Variants in DNAH1 observed in about 807,000 individuals in gnomAD.
DNAH1 encodes dynein axonemal heavy chain 1, also known as axonemal beta dynein heavy chain 1.
Under a neutral mutation model 484.3 loss-of-function variants are expected in DNAH1, and 327 were observed. That is an observed-to-expected ratio of 0.68 (90% CI 0.62 to 0.74). The LOEUF is 0.74. Among genes scored for constraint, DNAH1 ranks in the 30% least tolerant of loss-of-function variants. The pLI, the probability that DNAH1 is intolerant of heterozygous loss-of-function variation, is 0.00. For missense variants in DNAH1, 5,052 were observed against 5,546.8 expected, an observed-to-expected ratio of 0.91 and a Z score of 2.83; for synonymous variants, 2,192 against 2,191.9, an observed-to-expected ratio of 1.00 and a Z score of 0.00.
At position 52,346,749 on chromosome 3, in the gene DNAH1, A is replaced by C. The variant is rs1460264783; in HGVS notation, c.1934A>C (p.Asp645Ala). The change falls in exon 11 of 78, where the codon GAC (aspartate) becomes GCC (alanine). Residue 645 changes from aspartate (D) to alanine (A), a missense_variant. Transcript: ENST00000420323. ...ACCGATGACATGGTCTGGGGTGACG[A>C]CTTAATTAACAGCCCCTACAGGTGG... ...NCTDDMVWGD[D>A]LINSPYRPRK... The C allele has an allele frequency of 5.0e-6, 8 of 1,606,444 alleles. No individual in the cohort carries two copies. The highest frequency in any genetic ancestry group is 6.8e-6 in the Non-Finnish European group (8 of 1,173,618).
At chr3:52,347,774 A>T in intron 11 of DNAH1, 50 bp from the exon 12 acceptor site, 2 of 1,500,928 alleles carry the variant, frequency 1.3e-6, no homozygotes, top group South Asian at 2.6e-5. Context: ...CTGCTCCTGC[A>T]CACAGGCCTC....
chr3:52,319,253 G>A (rs1297112242), intron 1 of DNAH1, among the ~76,000 whole-genome samples: 3 of 152,200 alleles, frequency 2.0e-5, no homozygotes, highest in African/African-American at 7.2e-5. Flanking sequence ...GAGTCAAGTG[G>A]GGTTGAGTGT....
rs143775071 is a variant in DNAH1, at chr3:52,381,040, C to T, written c.7609-600C>T. The stretch of plus-strand genomic sequence containing the variant: ...AAGGATTTGGGTGGGCTGGGGCTAG[C>T]TTCTATGTGTTTAACAATATGCTTG... On this transcript the variant is annotated intron_variant, in intron 48 of 77. Transcript: ENST00000420323. This position sits in a 1 kb window ranked among gnomAD's most constrained non-coding sequence, Gnocchi z 4.1. Among the ~76,000 whole-genome samples the T allele has an allele frequency of 6.6e-6, 1 of 152,218 alleles. No homozygotes were observed. Among genetic ancestry groups the T allele is most frequent in the East Asian group, 1.9e-4 (1 of 5,186 alleles).
intron 53 of DNAH1, 21 bp from the exon 54 acceptor site, chr3:52,385,316 T>G: frequency 6.4e-7 from 1 of 1,550,422 alleles, no homozygotes; most frequent in Non-Finnish European, 8.7e-7. Flanking sequence ...CCTGTTTTCC[T>G]GTCTCTGCCC....
chr3:52,353,179 G>T lies in DNAH1; in HGVS notation c.3104G>T (p.Arg1035Leu). The T allele has an allele frequency of 6.2e-7, 1 of 1,613,984 alleles. No individual in the cohort carries two copies. Among genetic ancestry groups the T allele is most frequent in the Non-Finnish European group, 8.5e-7 (1 of 1,179,878 alleles). Residue 1035 changes from arginine (R) to leucine (L), a missense_variant, in exon 19 of 78, where the codon CGC (arginine) becomes CTC (leucine). By Grantham distance (102) the Arg-to-Leu change is moderately radical. Coordinates refer to ENST00000420323, the MANE Select transcript of DNAH1 (RefSeq NM_015512.5). This position sits in a 1 kb window ranked among gnomAD's most constrained non-coding sequence, Gnocchi z 5.0. ...TGGACCACAGCGTCTGACTGGCTGC[G>T]CTGGTCGGAGAGCTGGATGAATGAC... ...DLWTTASDWL[R>L]WSESWMNDPL...
In DNAH1 at chr3:52,323,896, G is replaced by A. The variant is rs540839638; in HGVS notation, c.406+16G>A. 1.3e-5 allele frequency: 20 copies of A among 1,560,584 alleles called. No homozygotes were observed. In the Admixed American group the frequency reaches 2.3e-4, roughly 18 times the overall value. On this transcript the variant is annotated intron_variant, in intron 3 of 77. Coordinates refer to ENST00000420323, the MANE Select transcript of DNAH1 (RefSeq NM_015512.5). Reference sequence around the variant, plus strand: ...ACCCCAAGAGGTCAGTGCTCAGGAGGGCTGTGTGAGTGGGTCCCGGTAGGT... The same window carrying A: ...ACCCCAAGAGGTCAGTGCTCAGGAGAGCTGTGTGAGTGGGTCCCGGTAGGT...
rs754653926 is a variant in DNAH1 at position 52,379,995 on chromosome 3, G to A, written c.7468G>A (p.Asp2490Asn). 1.6e-5 allele frequency: 26 copies of A among 1,589,916 alleles called. No homozygotes were observed. Among genetic ancestry groups the A allele is most frequent in the Non-Finnish European group, 2.2e-5 (26 of 1,168,482 alleles). ...GAATGAGGAGGACCGCAGCTGGTTC[G>A]ACCAGCTCCTCAAGCGCTGCATGGA... ...LVNEEDRSWF[D>N]QLLKRCMEQW... Residue 2490 changes from aspartate to asparagine, a missense_variant, in exon 48 of 78, where the codon GAC becomes AAC. Coordinates refer to ENST00000420323, the MANE Select transcript of DNAH1 (RefSeq NM_015512.5). This position sits in a 1 kb window ranked among gnomAD's most constrained non-coding sequence, Gnocchi z 4.4.
chr3:52,344,784 C>A, intron 9 of DNAH1, 137 bp downstream of exon 9: 1 of 982,724 alleles, frequency 1.0e-6, no homozygotes, highest in Non-Finnish European at 1.5e-6. Context: ...CCCCTGTCTC[C>A]AGCACTTGTC....
Position 52,381,725 on chromosome 3 carries a change from T to C in DNAH1, c.7694T>C (p.Met2565Thr). 6.2e-7 allele frequency: 1 copy of C among 1,606,530 alleles called. No homozygotes were observed. Among genetic ancestry groups the C allele is most frequent in the Non-Finnish European group, 8.5e-7 (1 of 1,177,242 alleles). The change falls in exon 49 of 78, where the codon ATG (methionine) becomes ACG (threonine). Residue 2565 changes from methionine (M) to threonine (T), a missense_variant. Physicochemically the swap from Met to Thr is moderately conservative, Grantham distance 81 (BLOSUM62 -1). Around this residue, in one of 4 missense-constraint regions of DNAH1, gnomAD observed 2,929 missense variants for 3,409.4 expected, o/e 0.86. Transcript: ENST00000420323. The surrounding 1 kb of genome is among the most constrained non-coding windows in gnomAD (Gnocchi z 4.1). Reference sequence around the variant, plus strand: ...AAGCTGGTCCTCTTCATGGACGCCATGAGCCACATCTGTCGCATCAGCCGC... The same window carrying C: ...AAGCTGGTCCTCTTCATGGACGCCACGAGCCACATCTGTCGCATCAGCCGC... ...KLKLVLFMDA[M>T]SHICRISRTL...
At chr3:52,331,619 C>CTTTTTTTTTTTTTTTTTTTTTTTTTTTTT (rs36097098) in intron 7 of DNAH1, among the ~76,000 whole-genome samples, 1 of 111,374 alleles carries the variant, frequency 9.0e-6, no homozygotes. Context: ...AAATACTTTT[C>CTTTTTTTTTTTTTTTTTTTTTTTTTTTTT]TTTTTTTTTT....
chr3:52,380,166 G>GC, intron 48 of DNAH1, 31 bp downstream of exon 48: 2 of 1,545,876 alleles, frequency 1.3e-6, no homozygotes, highest in South Asian at 2.4e-5. Flanking sequence ...CCCTGCCCCT[G>GC]GTGGGGTCCT....
intron 5 of DNAH1, among the ~76,000 whole-genome samples, chr3:52,327,568 G>T (rs1006971115): frequency 6.6e-5 from 10 of 152,182 alleles, no homozygotes; most frequent in African/African-American, 2.2e-4. Context: ...GTGGGAGAAA[G>T]AACCCACCAC....
At chr3:52,335,197 A>T (rs1418178492) in intron 8 of DNAH1, among the ~76,000 whole-genome samples, 1 of 128,448 alleles carries the variant, frequency 7.8e-6, no homozygotes, top group Non-Finnish European at 1.6e-5. Context: ...CTGGAATTAC[A>T]GGTGCCTGCC....
Position 52,379,822 on chromosome 3 carries a change from C to T in DNAH1, c.7378-83C>T. 1 of 1,270,550 alleles carries T rather than the reference C, an allele frequency of 7.9e-7. No homozygotes were observed. The allele number at this position is 1,270,550 out of a possible 1,614,324, so 78.7% of individuals were successfully genotyped here. ...CCAGTCAGGGCCCCAGGAACTGGGG[C>T]CCACCCTCCCTTGCCTGGTGGTTTG... On this transcript the variant is annotated intron_variant, in intron 47 of 77. Transcript: ENST00000420323. This position sits in a 1 kb window ranked among gnomAD's most constrained non-coding sequence, Gnocchi z 4.4.
In DNAH1 at chr3:52,399,647, C is replaced by T. The variant is rs1271471286; in HGVS notation, c.12544C>T (p.Gln4182Ter). 3 of 1,613,996 alleles carry T rather than the reference C, an allele frequency of 1.9e-6. No individual in the cohort carries two copies. Among genetic ancestry groups the T allele is most frequent in the Non-Finnish European group, 2.5e-6 (3 of 1,179,900 alleles). Reference sequence around the variant, plus strand: ...TGCCCGCTGGGATCCAGAGGCCTTCCAGCTGGCTGAGTCTCAGCCCAAGGA... The same window carrying T: ...TGCCCGCTGGGATCCAGAGGCCTTCTAGCTGGCTGAGTCTCAGCCCAAGGA... Reference protein sequence around the residue: ...EGARWDPEAFQLAESQPKELY... With the variant: ...EGARWDPEAF Residue 4182 changes from glutamine (Q) to a stop codon, truncating the protein, a stop_gained, in exon 77 of 78, where the codon CAG becomes TAG. Transcript: ENST00000420323. LOFTEE classifies it high-confidence loss of function.
rs566501109 is a variant in DNAH1 at position 52,353,649 on chromosome 3, C to T, written c.3480+16C>T. 9.1e-5 allele frequency: 142 copies of T among 1,559,554 alleles called. No homozygotes were observed. Among genetic ancestry groups the T allele is most frequent in the African/African-American group, 9.0e-4 (66 of 73,348 alleles). ...CATCGAGCAGGTGGGTAGCCACCAG[C>T]GGGCCCAGCCACTCCAGCCAGGCCC... On this transcript the variant is annotated intron_variant, in intron 20 of 77. Transcript: ENST00000420323. The surrounding 1 kb of genome is among the most constrained non-coding windows in gnomAD (Gnocchi z 5.0).
rs758569451 is a variant in DNAH1, at chr3:52,347,929, C to T, written c.2061C>T (p.Phe687=). ...TTGAGGCATCTCTGCTGAACCTCTT[C>T]GACAAGGGCATCCTGGCCACCCATG... ...EQFEASLLNL[F]DKGILATHAV... Residue 687 remains phenylalanine (F), a synonymous_variant, in exon 12 of 78, where the codon TTC becomes TTT. Coordinates refer to ENST00000420323, the MANE Select transcript of DNAH1 (RefSeq NM_015512.5). 8.7e-6 allele frequency: 14 copies of T among 1,610,820 alleles called. No individual in the cohort carries two copies. Among genetic ancestry groups the T allele is most frequent in the African/African-American group, 1.3e-5 (1 of 74,998 alleles).
chr3:52,324,980 A>G (rs1250614739), intron 3 of DNAH1, among the ~76,000 whole-genome samples: 1 of 152,130 alleles, frequency 6.6e-6, no homozygotes, highest in East Asian at 1.9e-4. Context: ...GAGGCCAGGC[A>G]TGGGTCTCTT....
intron 36 of DNAH1, among the ~76,000 whole-genome samples, chr3:52,367,854 T>C (rs1166571894): frequency 6.6e-6 from 1 of 152,184 alleles, no homozygotes; most frequent in Admixed American, 6.5e-5. Context: ...ATTACAGGCG[T>C]GAGCCACTGC....
Sources: allele counts gnomAD v4.1 joint callset (sites outside exome capture counted in the v4.1 genomes callset), GRCh38; gene constraint gnomAD v4.1.1; regional missense constraint gnomAD v4.1.1; non-coding constraint Gnocchi (gnomAD v3.1); transcripts MANE v1.5; gene names NCBI Gene and HGNC (gene_info 2026-07-23, HGNC 2026-07-21).